Variants in BIN2 observed in about 807,000 individuals in gnomAD.
BIN2 encodes breast cancer associated protein BRAP1.
Under a neutral mutation model 67.9 loss-of-function variants are expected in BIN2, and 43 were observed. The ratio of observed to expected loss-of-function variants is 0.63; its 90% confidence interval spans 0.50 to 0.82. BIN2 has a LOEUF of 0.82. BIN2 is among the 40% of genes least tolerant of loss of function. The pLI, the probability that BIN2 is intolerant of heterozygous loss-of-function variation, is 0.00. For synonymous variants in BIN2, 244 were observed against 246.8 expected (o/e 0.99, Z 0.11); for missense variants, 581 against 671.6 (o/e 0.87, Z 1.49).
At chr12:51,287,155 A>T (rs2137343227) in intron 11 of BIN2, among the ~76,000 whole-genome samples, 1 of 145,632 alleles carries the variant, frequency 6.9e-6, no homozygotes, top group East Asian at 2.1e-4. Context: ...AATTTTTTTT[A>T]AAGAGATGGG....
chr12:51,287,556 C>T (rs1344984556), intron 11 of BIN2, among the ~76,000 whole-genome samples: 2 of 151,716 alleles, frequency 1.3e-5, no homozygotes, highest in African/African-American at 4.8e-5. Context: ...TGGTCTCAAA[C>T]TCTCGAACTC....
At chr12:51,311,622 T>C (rs76447320) in intron 2 of BIN2, among the ~76,000 whole-genome samples, 19,944 of 151,922 alleles carry the variant, frequency 0.13, 1,448 homozygotes, top group East Asian at 0.24. Context: ...CTCAATTGAT[T>C]CTCCTGCTTT....
chr12:51,318,784 A>C (rs1459153301), intron 1 of BIN2, among the ~76,000 whole-genome samples: 1 of 152,178 alleles, frequency 6.6e-6, no homozygotes, highest in Non-Finnish European at 1.5e-5. Flanking sequence ...AGGAGGATTA[A>C]ATGATATTTT....
chr12:51,284,574 CCT>C, intron 12 of BIN2, 140 bp downstream of exon 12: 1 of 612,264 alleles, frequency 1.6e-6, no homozygotes, highest in Non-Finnish European at 2.9e-6. Context: ...ATTCTTGTTT[CCT>C]CTGATTCCCA....
chr12:51,291,824 G>T lies in BIN2; in HGVS notation c.1282C>A (p.Pro428Thr), dbSNP rs778683696. The change falls in exon 10 of 13, where the codon CCC becomes ACC. Residue 428 changes from proline to threonine, a missense_variant. Pro to Thr is a conservative substitution (Grantham distance 38). Coordinates refer to ENST00000615107, the MANE Select transcript of BIN2 (RefSeq NM_016293.4). Reference sequence around the variant, plus strand: ...CTGGAAGGTATGTTCCCTGAGGAGGGCCTGGGGCTTGCAGTGGCTCTGGGT... The same window carrying T: ...CTGGAAGGTATGTTCCCTGAGGAGGTCCTGGGGCTTGCAGTGGCTCTGGGT... ...PPPRATASPR[P>T]SSGNIPSSPT... The T allele has an allele frequency of 1.2e-6, 2 of 1,613,938 alleles. No homozygotes were observed. Among genetic ancestry groups the T allele is most frequent in the African/African-American group, 2.7e-5 (2 of 74,912 alleles).
chr12:51,320,204 C>T (rs1489096516), intron 1 of BIN2, among the ~76,000 whole-genome samples: 1 of 151,976 alleles, frequency 6.6e-6, no homozygotes, highest in Non-Finnish European at 1.5e-5. Flanking sequence ...TGGTCTCGAA[C>T]TCCTGGGATT....
intron 1 of BIN2, among the ~76,000 whole-genome samples, chr12:51,315,661 G>A (rs117801073): frequency 6.6e-6 from 1 of 152,172 alleles, no homozygotes; most frequent in African/African-American, 2.4e-5. Context: ...GGTTAGAGAG[G>A]TTGGGCAGGG....
chr12:51,309,822 C>T (rs987657854), intron 2 of BIN2, among the ~76,000 whole-genome samples: 2 of 152,192 alleles, frequency 1.3e-5, no homozygotes, highest in African/African-American at 4.8e-5. Context: ...GGCGCTTCTT[C>T]TTCTCTTACC....
At chr12:51,300,119 G>T (rs10876161) in intron 5 of BIN2, among the ~76,000 whole-genome samples, 81,279 of 151,342 alleles carry the variant, frequency 0.54, 21,912 homozygotes, top group Middle Eastern at 0.57. Context: ...ATTACAGGCA[G>T]GAGCAACCGC....
intron 2 of BIN2, among the ~76,000 whole-genome samples, chr12:51,308,900 C>T (rs1273882029): frequency 6.6e-6 from 1 of 152,018 alleles, no homozygotes; most frequent in African/African-American, 2.4e-5. Flanking sequence ...GGGTAGATCA[C>T]TTGAGGTCAG....
At chr12:51,298,034 T>C (rs1482914058) in intron 7 of BIN2, among the ~76,000 whole-genome samples, 1 of 149,656 alleles carries the variant, frequency 6.7e-6, no homozygotes, top group African/African-American at 2.5e-5. Flanking sequence ...TCACCTGAGG[T>C]CAGGAGTTTG....
At chr12:51,293,416 T>C (rs1363440974) in intron 9 of BIN2, among the ~76,000 whole-genome samples, 1 of 152,184 alleles carries the variant, frequency 6.6e-6, no homozygotes, top group Non-Finnish European at 1.5e-5. Context: ...TTCATGCCAT[T>C]CTCCTGCCTC....
chr12:51,299,094 C>T (rs113652520), intron 7 of BIN2, 109 bp downstream of exon 7: 13 of 258,920 alleles, frequency 5.0e-5, no homozygotes, highest in Admixed American at 2.3e-4. Flanking sequence ...AAAAAGGGGG[C>T]GGGGCAGTGT....
At position 51,291,908 on chromosome 12, in the gene BIN2, G is replaced by T. The variant is rs756527960; in HGVS notation, c.1198C>A (p.Gln400Lys). ...TGGATAGAGGCTCTCTTCTTTGGTT[G>T]TTCAGATCCTTCACTTGCGGTGCGG... ...RTRTASEGSE[Q>K]PKKRASIQRT... The change falls in exon 10 of 13, where the codon CAA (glutamine) becomes AAA (lysine). Residue 400 changes from glutamine to lysine, a missense_variant. By Grantham distance (53) the Gln-to-Lys change is moderately conservative. Coordinates refer to ENST00000615107, the MANE Select transcript of BIN2 (RefSeq NM_016293.4). The T allele has an allele frequency of 6.2e-7, 1 of 1,614,190 alleles. No homozygotes were observed. Among genetic ancestry groups the T allele is most frequent in the Non-Finnish European group, 8.5e-7 (1 of 1,180,026 alleles).
At chr12:51,281,562 C>T in intron 12 of BIN2, 34 bp from the exon 13 acceptor site, 1 of 1,612,478 alleles carries the variant, frequency 6.2e-7, no homozygotes, top group East Asian at 2.2e-5. Context: ...TAGGTGTTGA[C>T]CTGCCTTCCC....
Position 51,291,593 on chromosome 12 carries a change from G to T in BIN2, c.1513C>A (p.Gln505Lys), listed in dbSNP as rs1345591735. Residue 505 changes from glutamine to lysine, a missense_variant and splice_region_variant, in exon 10 of 13, where the codon CAG (glutamine) becomes AAG (lysine). Physicochemically the swap from Gln to Lys is moderately conservative, Grantham distance 53. Transcript: ENST00000615107. The stretch of plus-strand genomic sequence containing the variant: ...TACCCAACCAGAACTACTCTTACCT[G>T]AGATGTCATTAAGGTGGGGGAAGTA... ...LCTSPTLMTS[Q>K]VASEPGEAKK... The T allele has an allele frequency of 2.5e-6, 4 of 1,595,204 alleles. No individual in the cohort carries two copies. Among genetic ancestry groups the T allele is most frequent in the Non-Finnish European group, 3.4e-6 (4 of 1,174,248 alleles).
chr12:51,299,096 G>GGA, intron 7 of BIN2, 107 bp downstream of exon 7: 1 of 774,170 alleles, frequency 1.3e-6, no homozygotes, highest in Non-Finnish European at 2.1e-6. Context: ...AAAGGGGGCG[G>GGA]GGCAGTGTGG....
At chr12:51,282,944 T>C (rs556875093) in intron 12 of BIN2, among the ~76,000 whole-genome samples, 61 of 151,678 alleles carry the variant, frequency 4.0e-4, no homozygotes, top group Non-Finnish European at 7.1e-4. Context: ...TTCCTACTTA[T>C]TAAAAAAAAA....
chr12:51,300,235 C>T (rs1300981403), intron 5 of BIN2, among the ~76,000 whole-genome samples: 1 of 151,934 alleles, frequency 6.6e-6, no homozygotes, highest in Non-Finnish European at 1.5e-5. Flanking sequence ...TCCTACAGAG[C>T]ATGTGGAAAT....
Sources: allele counts gnomAD v4.1 joint callset (sites outside exome capture counted in the v4.1 genomes callset), GRCh38; gene constraint gnomAD v4.1.1; transcripts MANE v1.5; gene names NCBI Gene and HGNC (gene_info 2026-07-23, HGNC 2026-07-21).